DLGAP4: variants seen among roughly 807,000 people sequenced by gnomAD.
The protein encoded by DLGAP4 is disks large-associated protein 4.
DLGAP4 carries 18 observed loss-of-function variants against 86.9 expected under a neutral mutation model. The observed-to-expected ratio is 0.21, with a 90% confidence interval of 0.14 to 0.31. DLGAP4 has a LOEUF of 0.31. Ranked by LOEUF, DLGAP4 falls within the 10% of genes least tolerant of loss-of-function variation. The pLI, the probability that DLGAP4 is intolerant of heterozygous loss-of-function variation, is 1.00. For synonymous variants in DLGAP4, 548 were observed against 574.3 expected (o/e 0.95, Z 0.65); for missense variants, 1,085 against 1,362.6 (o/e 0.80, Z 3.21).
At chr20:36,361,444 G>A (rs1262700173) in intron 1 of DLGAP4, among the ~76,000 whole-genome samples, 2 of 152,128 alleles carry the variant, frequency 1.3e-5, no homozygotes, top group Non-Finnish European at 2.9e-5. Flanking sequence ...TTTGTTTTTT[G>A]TGTCAGCAAG....
rs112028371 is a variant in DLGAP4 at position 36,327,282 on chromosome 20, G to A, written c.-304+20770G>A. Among the ~76,000 whole-genome samples the A allele has an allele frequency of 7.6e-3, 1,150 of 152,184 alleles. 16 individuals are homozygous for A. The highest frequency in any genetic ancestry group is 0.026 in the African/African-American group (1,087 of 41,516). ...CCCAAAGTGCTGGGATTACAGGCAT[G>A]AGCCACCATGCCTGACCTAAGATTT... On this transcript the variant is annotated intron_variant, in intron 1 of 12. Transcript: ENST00000339266.
In DLGAP4 at chr20:36,436,345, C is replaced by T. The variant is rs771936973; in HGVS notation, c.1236C>T (p.Pro412=). Residue 412 remains proline (P), a synonymous_variant, in exon 4 of 13, where the codon CCC becomes CCT. Transcript: ENST00000339266. The part of the protein sequence containing the change: ...TQQSLGEQSN[P]RRSLDRLDSV... Reference sequence around the variant, plus strand: ...AGTCGCTGGGAGAGCAGAGCAACCCCCGCAGGTAGGCGCGCAGCTCCACCC... The same window carrying T: ...AGTCGCTGGGAGAGCAGAGCAACCCTCGCAGGTAGGCGCGCAGCTCCACCC... 140 of 1,593,166 alleles carry T rather than the reference C, an allele frequency of 8.8e-5. No individual in the cohort carries two copies. The highest frequency in any genetic ancestry group is 1.1e-4 in the Non-Finnish European group (133 of 1,173,380).
In DLGAP4 at chr20:36,364,926, C is replaced by T. The variant is rs143322004; in HGVS notation, c.-303-2119C>T. ...CCTGGGCAATATAGCGACATTTCAT[C>T]TCTGCAAAAAATACAAAAATTAGTC... On this transcript the variant is annotated intron_variant, in intron 1 of 12. Transcript: ENST00000339266. Among the ~76,000 whole-genome samples, 1,354 of 152,102 alleles carry T rather than the reference C, an allele frequency of 8.9e-3. 22 individuals are homozygous for T. Among genetic ancestry groups the T allele is most frequent in the African/African-American group, 0.031 (1,273 of 41,468 alleles).
chr20:36,477,107 T>C (rs1303610687), intron 7 of DLGAP4, among the ~76,000 whole-genome samples: 1 of 134,952 alleles, frequency 7.4e-6, no homozygotes, highest in Non-Finnish European at 1.5e-5. Flanking sequence ...CTCTTTTTTC[T>C]TTTTTTTTTT....
chr20:36,517,492 C>G (rs1275396065), intron 10 of DLGAP4, among the ~76,000 whole-genome samples: 1 of 152,120 alleles, frequency 6.6e-6, no homozygotes. Flanking sequence ...ACCTCAAACT[C>G]CTGACCTCAG....
intron 2 of DLGAP4, among the ~76,000 whole-genome samples, chr20:36,396,565 TACAC>T (rs765750204): frequency 1.0e-3 from 21 of 20,704 alleles, no homozygotes; most frequent in Admixed American, 2.1e-3. Context: ...GACACACACA[TACAC>T]ACACCACATA....
chr20:36,381,006 A>T (rs758547655), intron 2 of DLGAP4, among the ~76,000 whole-genome samples: 1 of 152,240 alleles, frequency 6.6e-6, no homozygotes, highest in Non-Finnish European at 1.5e-5. Context: ...TCTGTTAGGA[A>T]AAAGGGAAGA....
chr20:36,379,008 G>A (rs2425228), intron 2 of DLGAP4, among the ~76,000 whole-genome samples: 96,248 of 151,480 alleles, frequency 0.64, 30,765 homozygotes, highest in South Asian at 0.81. Flanking sequence ...CAGGGAGGCA[G>A]TGGCAAACAT....
At chr20:36,396,356 C>CACACACA (rs144783809) in intron 2 of DLGAP4, among the ~76,000 whole-genome samples, 12 of 26,962 alleles carry the variant, frequency 4.5e-4, no homozygotes, top group Non-Finnish European at 6.7e-4. Flanking sequence ...CACACACATA[C>CACACACA]CACACGCACA....
chr20:36,362,250 A>G (rs2030547273), intron 1 of DLGAP4, among the ~76,000 whole-genome samples: 1 of 152,112 alleles, frequency 6.6e-6, no homozygotes, highest in African/African-American at 2.4e-5. Flanking sequence ...ACAGAGTGAG[A>G]CTCTGTCTCA....
At chr20:36,349,978 C>G (rs1161401703) in intron 1 of DLGAP4, among the ~76,000 whole-genome samples, 13 of 152,192 alleles carry the variant, frequency 8.5e-5, no homozygotes, top group Admixed American at 8.5e-4. Context: ...AAGGAGCAGC[C>G]CCATCAGGCA....
chr20:36,337,869 C>T (rs138187373), intron 1 of DLGAP4, among the ~76,000 whole-genome samples: 2 of 152,320 alleles, frequency 1.3e-5, no homozygotes, highest in Non-Finnish European at 2.9e-5. Flanking sequence ...TGCTGGGCAC[C>T]CACAGGCCCT....
At chr20:36,453,971 AAAG>A (rs1486923659) in intron 7 of DLGAP4, among the ~76,000 whole-genome samples, 2 of 148,176 alleles carry the variant, frequency 1.3e-5, no homozygotes, top group African/African-American at 5.0e-5. Flanking sequence ...GAAAGAAAGA[AAAG>A]AAAAAGAAAA....
chr20:36,351,731 C>T (rs1370723369), intron 1 of DLGAP4, among the ~76,000 whole-genome samples: 2 of 152,138 alleles, frequency 1.3e-5, no homozygotes, highest in African/African-American at 4.8e-5. Context: ...GACCACTGCC[C>T]TACCAGACAG....
At chr20:36,457,731 G>T (rs1356943979) in intron 7 of DLGAP4, among the ~76,000 whole-genome samples, 1 of 151,208 alleles carries the variant, frequency 6.6e-6, no homozygotes, top group Non-Finnish European at 1.5e-5. Flanking sequence ...TAGCCAGGAT[G>T]GTCCTGATCT....
intron 1 of DLGAP4, among the ~76,000 whole-genome samples, chr20:36,312,159 C>T (rs919014177): frequency 4.6e-5 from 7 of 152,170 alleles, no homozygotes; most frequent in African/African-American, 1.4e-4. Flanking sequence ...GCCTCTCTCC[C>T]GGCTCCGCTG....
intron 7 of DLGAP4, among the ~76,000 whole-genome samples, chr20:36,480,065 G>T (rs115232553): frequency 6.6e-6 from 1 of 152,114 alleles, no homozygotes; most frequent in African/African-American, 2.4e-5. Context: ...AGGGCAAGCC[G>T]CATTATTCTC....
chr20:36,443,219 T>C (rs1334896048), intron 6 of DLGAP4, among the ~76,000 whole-genome samples: 2 of 152,144 alleles, frequency 1.3e-5, no homozygotes, highest in Non-Finnish European at 1.5e-5. Flanking sequence ...TTTAAAGATG[T>C]TGGGGTGTTG....
At chr20:36,391,721 G>C (rs2031789781) in intron 2 of DLGAP4, among the ~76,000 whole-genome samples, 1 of 152,192 alleles carries the variant, frequency 6.6e-6, no homozygotes, top group Non-Finnish European at 1.5e-5. Flanking sequence ...TCACCCCCCA[G>C]TCTATAGTGC....
Sources: allele counts gnomAD v4.1 joint callset (sites outside exome capture counted in the v4.1 genomes callset), GRCh38; gene constraint gnomAD v4.1.1; transcripts MANE v1.5; gene names NCBI Gene and HGNC (gene_info 2026-07-23, HGNC 2026-07-21).